ZNF395: variants seen among roughly 807,000 people sequenced by gnomAD.
The protein encoded by ZNF395 is zinc finger protein 395, also known as HD gene regulatory region-binding protein 2.
In ZNF395, 20 loss-of-function variants were observed where a neutral mutation model predicts 57.7. The ratio of observed to expected loss-of-function variants is 0.35; its 90% CI spans 0.24 to 0.50. ZNF395 has a LOEUF of 0.50. ZNF395 is among the 20% of genes least tolerant of loss of function. The pLI, the probability that ZNF395 is intolerant of heterozygous loss-of-function variation, is 0.97. For synonymous variants in ZNF395, 295 were observed against 275.9 expected (o/e 1.07, Z -0.69); for missense variants, 606 against 671.2 (o/e 0.90, Z 1.07).
intron 1 of ZNF395, among the ~76,000 whole-genome samples, chr8:28,379,940 T>C (rs529347012): frequency 3.3e-5 from 5 of 152,312 alleles, no homozygotes; most frequent in African/African-American, 1.2e-4. Flanking sequence ...CCAATTATTT[T>C]CTAAACACAT....
chr8:28,367,328 T>C (rs1801923431), intron 1 of ZNF395, among the ~76,000 whole-genome samples: 1 of 152,140 alleles, frequency 6.6e-6, no homozygotes, highest in African/African-American at 2.4e-5. Flanking sequence ...CTCTAAGTAA[T>C]AGATGTAATA....
chr8:28,385,299 G>A (rs145903759), intron 1 of ZNF395: 5 of 152,642 alleles, frequency 3.3e-5, no homozygotes, highest in Admixed American at 6.5e-5. Flanking sequence ...TTAGGTCTCT[G>A]AGTCAGTTCC....
intron 1 of ZNF395, among the ~76,000 whole-genome samples, chr8:28,378,984 C>T (rs1220406741): frequency 6.6e-6 from 1 of 152,220 alleles, no homozygotes; most frequent in East Asian, 1.9e-4. Context: ...AGCATGATCG[C>T]TGATCATTCT....
chr8:28,383,298 T>C lies in ZNF395; in HGVS notation c.-59+3095A>G, dbSNP rs559822712. 3.2e-4 allele frequency among the ~76,000 whole-genome samples: 49 copies of C among 152,256 alleles called. No individual in the cohort carries two copies. In the South Asian group the frequency reaches 0.01, roughly 32 times the overall value. ...TTCAGCAAATCACCCTGTGTCACCCTTGCAACATGAACAGAGCTCAAGAAA... is the reference window on the plus strand; with the variant it reads ...TTCAGCAAATCACCCTGTGTCACCCCTGCAACATGAACAGAGCTCAAGAAA... On this transcript the variant is annotated intron_variant, in intron 1 of 9. Coordinates refer to ENST00000344423, the MANE Select transcript of ZNF395 (RefSeq NM_018660.3).
In ZNF395 at chr8:28,348,522, T is replaced by G; in HGVS notation, c.*197A>C. On this transcript the variant is annotated 3_prime_UTR_variant, in exon 10 of 10. Transcript: ENST00000344423. ...TCCTATTTTAGGGGGAAAAATATTT[T>G]TGTTTCTTTTTTTTAAAAAATAAAA... is the stretch of plus-strand genomic sequence containing the variant. 1.7e-6 allele frequency: 1 copy of G among 579,788 alleles called. No individual in the cohort carries two copies. The highest frequency in any genetic ancestry group is 3.1e-6 in the Non-Finnish European group (1 of 325,956). 35.9% of individuals were successfully genotyped at this position (579,788 alleles called of 1,614,324 possible).
chr8:28,374,525 T>C (rs1476886006), intron 1 of ZNF395, among the ~76,000 whole-genome samples: 1 of 152,174 alleles, frequency 6.6e-6, no homozygotes, highest in Non-Finnish European at 1.5e-5. Context: ...TTCAATAATA[T>C]GTTTGGGGGC....
chr8:28,350,390 A>C (rs1801667167), intron 7 of ZNF395, among the ~76,000 whole-genome samples: 1 of 152,226 alleles, frequency 6.6e-6, no homozygotes, highest in Non-Finnish European at 1.5e-5. Flanking sequence ...CCCTTCCCTC[A>C]GCGCTGGTCT....
chr8:28,380,777 G>C (rs954651659), intron 1 of ZNF395, among the ~76,000 whole-genome samples: 3 of 152,176 alleles, frequency 2.0e-5, no homozygotes, highest in Non-Finnish European at 4.4e-5. Flanking sequence ...GCTGGCTTCT[G>C]GTTATCCTTG....
chr8:28,351,153 A>G (rs1397975461), intron 7 of ZNF395, among the ~76,000 whole-genome samples: 2 of 152,132 alleles, frequency 1.3e-5, no homozygotes, highest in Non-Finnish European at 2.9e-5. Flanking sequence ...ACAGAACACA[A>G]TTCTAGGACC....
chr8:28,376,220 C>G (rs529772151), intron 1 of ZNF395, among the ~76,000 whole-genome samples: 15 of 152,250 alleles, frequency 9.9e-5, no homozygotes, highest in South Asian at 8.3e-4. Context: ...ATCAATCCTC[C>G]CACCTCAGCC....
intron 1 of ZNF395, among the ~76,000 whole-genome samples, chr8:28,370,731 C>T (rs1801966820): frequency 6.6e-6 from 1 of 152,142 alleles, no homozygotes; most frequent in Admixed American, 6.5e-5. Context: ...CTGCCTGCCC[C>T]AGGAACACAA....
intron 1 of ZNF395, among the ~76,000 whole-genome samples, chr8:28,380,422 G>A (rs1039357630): frequency 3.9e-5 from 6 of 151,968 alleles, no homozygotes; most frequent in African/African-American, 7.3e-5. Flanking sequence ...TCACTTCTGC[G>A]CCACTAACAA....
chr8:28,351,171 C>T (rs1801677458), intron 7 of ZNF395, among the ~76,000 whole-genome samples: 1 of 152,160 alleles, frequency 6.6e-6, no homozygotes, highest in Non-Finnish European at 1.5e-5. Context: ...ACCTAGACGT[C>T]ACGTGGGAAG....
chr8:28,353,461 A>T (rs1801743784), intron 4 of ZNF395, 53 bp from the exon 5 acceptor site: 1 of 1,378,560 alleles, frequency 7.3e-7, no homozygotes, highest in South Asian at 1.5e-5. Flanking sequence ...TCCCTGGGCA[A>T]ACTCTCCCTT....
rs1370022324 is a variant in ZNF395, at chr8:28,372,285, G to A, written c.-58-11103C>T. The stretch of plus-strand genomic sequence containing the variant: ...ATTCTGATCCCCCAGGTCTGAGAGA[G>A]GAAACAGTGAGAAAATGCATGTTGG... On this transcript the variant is annotated intron_variant, in intron 1 of 9. Transcript: ENST00000344423. Among the ~76,000 whole-genome samples the A allele has an allele frequency of 7.2e-5, 11 of 152,108 alleles. No individual in the cohort carries two copies. The East Asian group carries it at 2.1e-3, about 29-fold the overall frequency.
At chr8:28,366,683 T>C (rs1408834853) in intron 1 of ZNF395, among the ~76,000 whole-genome samples, 1 of 152,162 alleles carries the variant, frequency 6.6e-6, no homozygotes, top group Non-Finnish European at 1.5e-5. Flanking sequence ...AATATGTTTA[T>C]GGTCCTCCTG....
intron 1 of ZNF395, among the ~76,000 whole-genome samples, chr8:28,369,501 C>A (rs1255531333): frequency 6.6e-6 from 1 of 152,240 alleles, no homozygotes; most frequent in Admixed American, 6.5e-5. Context: ...TCCAGTGTTC[C>A]ATGCTTGGAG....
At chr8:28,363,073 C>T (rs1340710940) in intron 1 of ZNF395, among the ~76,000 whole-genome samples, 1 of 150,418 alleles carries the variant, frequency 6.6e-6, no homozygotes, top group Admixed American at 6.6e-5. Flanking sequence ...AGATTCTTTG[C>T]CACTATAAAG....
chr8:28,377,748 C>CTTTTT (rs71549661), intron 1 of ZNF395, among the ~76,000 whole-genome samples: 14 of 100,638 alleles, frequency 1.4e-4, no homozygotes, highest in African/African-American at 2.9e-4. Context: ...GATGATCCCA[C>CTTTTT]TTTTTTTTTT....
Sources: gnomAD v4.1 joint callset for allele counts (sites outside exome capture counted in the v4.1 genomes callset) on GRCh38, gnomAD v4.1.1 for gene constraint, MANE v1.5 for transcripts, NCBI Gene and HGNC (gene_info 2026-07-23, HGNC 2026-07-21) for gene names.